The following TENM3 variants were observed in gnomAD, a reference collection of about 807,000 sequenced individuals.
The protein encoded by TENM3 is teneurin-3.
Under a neutral mutation model 255.1 loss-of-function variants are expected in TENM3, and 63 were observed. That is an observed-to-expected ratio of 0.25 (90% CI 0.20 to 0.30). TENM3 has a LOEUF of 0.30. Among genes scored for constraint, TENM3 ranks in the 10% least tolerant of loss-of-function variants. The pLI, the probability that TENM3 is intolerant of heterozygous loss-of-function variation, is 1.00. For missense variants in TENM3, 2,929 were observed against 3,461.1 expected, an observed-to-expected ratio of 0.85 and a Z score of 3.86; for synonymous variants, 1,306 against 1,322.3, an observed-to-expected ratio of 0.99 and a Z score of 0.27.
chr4:181,939,412 C>G, the TENM3 span, among the ~76,000 whole-genome samples: 1 of 152,102 alleles, frequency 6.6e-6, no homozygotes, highest in Non-Finnish European at 1.5e-5. Context: ...GTGATGTCCT[C>G]CATGGGAAAC....
chr4:182,753,420 A>T, intron 20 of TENM3, 30 bp from the exon 21 acceptor site: 1 of 1,593,014 alleles, frequency 6.3e-7, no homozygotes, highest in Admixed American at 1.7e-5. Flanking sequence ...TTTTTGAAAA[A>T]TTAGTAATAC....
At chr4:182,022,489 C>T in the TENM3 span, among the ~76,000 whole-genome samples, 1 of 135,368 alleles carries the variant, frequency 7.4e-6, no homozygotes, top group African/African-American at 2.8e-5. Context: ...CAGCATCACA[C>T]AATATGCCCA....
the TENM3 span, among the ~76,000 whole-genome samples, chr4:181,781,567 G>A: frequency 6.6e-6 from 1 of 152,152 alleles, no homozygotes; most frequent in Non-Finnish European, 1.5e-5. Flanking sequence ...TCTGCAAACA[G>A]GGACAATTTG....
chr4:181,491,882 A>C, the TENM3 span, among the ~76,000 whole-genome samples: 1 of 152,184 alleles, frequency 6.6e-6, no homozygotes, highest in African/African-American at 2.4e-5. Flanking sequence ...GAAAAAGTGA[A>C]TACCACTTCC....
intron 1 of TENM3, among the ~76,000 whole-genome samples, chr4:182,259,091 G>T (rs1428901707): frequency 6.6e-6 from 1 of 152,194 alleles, no homozygotes; most frequent in Non-Finnish European, 1.5e-5. Flanking sequence ...CAAGCTAAAA[G>T]ATGGTGAAGG....
At chr4:182,675,812 T>C in intron 7 of TENM3, among the ~76,000 whole-genome samples, 1 of 152,336 alleles carries the variant, frequency 6.6e-6, no homozygotes, top group East Asian at 1.9e-4. Context: ...TTTAAAGATT[T>C]AGTTGACTGC....
chr4:182,594,059 A>G (rs1263335564), intron 3 of TENM3, among the ~76,000 whole-genome samples: 2 of 152,132 alleles, frequency 1.3e-5, no homozygotes, highest in Non-Finnish European at 2.9e-5. Flanking sequence ...TGGCCATACT[A>G]GCTAGGAAAA....
chr4:181,513,243 A>G, the TENM3 span, among the ~76,000 whole-genome samples: 1 of 152,162 alleles, frequency 6.6e-6, no homozygotes, highest in East Asian at 1.9e-4. Flanking sequence ...CCAAGTTCTC[A>G]ATCATTCATA....
At chr4:182,786,515 C>A (rs1436918643) in intron 24 of TENM3, among the ~76,000 whole-genome samples, 1 of 150,332 alleles carries the variant, frequency 6.7e-6, no homozygotes, top group Non-Finnish European at 1.5e-5. Context: ...CAAGATTGCA[C>A]CACTGCACTC....
intron 19 of TENM3, among the ~76,000 whole-genome samples, chr4:182,745,548 T>TG (rs1356863444): frequency 1.2e-4 from 18 of 151,958 alleles, no homozygotes; most frequent in African/African-American, 4.3e-4. Context: ...TATCTGTTAT[T>TG]GCAGATCCAC....
the TENM3 span, among the ~76,000 whole-genome samples, chr4:181,578,189 C>T: frequency 6.6e-6 from 1 of 151,966 alleles, no homozygotes; most frequent in Non-Finnish European, 1.5e-5. Flanking sequence ...TAAAGAAAGC[C>T]TTTCTCTGGG....
intron 3 of TENM3, among the ~76,000 whole-genome samples, chr4:182,581,025 A>G (rs531455235): frequency 6.6e-6 from 1 of 152,316 alleles, no homozygotes; most frequent in African/African-American, 2.4e-5. Context: ...CTCTAATTTT[A>G]TTGTCATACA....
At chr4:181,944,704 A>T in the TENM3 span, among the ~76,000 whole-genome samples, 2 of 151,946 alleles carry the variant, frequency 1.3e-5, no homozygotes, top group African/African-American at 4.8e-5. Context: ...TCTGGGCCAC[A>T]CCGTGCCTCT....
At chr4:181,810,890 AGCATCCCAGCTTCCCTG>A in the TENM3 span, among the ~76,000 whole-genome samples, 1 of 152,192 alleles carries the variant, frequency 6.6e-6, no homozygotes, top group Admixed American at 6.5e-5. Context: ...AAGATGATGT[AGCATCCCAGCTTCCCTG>A]GCCTGGGTGA....
chr4:181,795,142 T>C, the TENM3 span, among the ~76,000 whole-genome samples: 2 of 152,196 alleles, frequency 1.3e-5, no homozygotes, highest in African/African-American at 4.8e-5. Flanking sequence ...ATTTGTGTTT[T>C]CGATGGATGT....
At chr4:181,669,281 T>C in the TENM3 span, among the ~76,000 whole-genome samples, 4 of 152,262 alleles carry the variant, frequency 2.6e-5, no homozygotes, top group Non-Finnish European at 5.9e-5. Flanking sequence ...CCCAGGGAGA[T>C]AGTATAATTA....
At chr4:182,430,711 G>A (rs1435722518) in intron 3 of TENM3, among the ~76,000 whole-genome samples, 2 of 151,228 alleles carry the variant, frequency 1.3e-5, no homozygotes, top group East Asian at 4.0e-4. Context: ...GCAGGTTTGT[G>A]TTTTTGAAAG....
chr4:182,794,107 A>T (rs1430351312), intron 26 of TENM3, among the ~76,000 whole-genome samples: 1 of 152,210 alleles, frequency 6.6e-6, no homozygotes, highest in Non-Finnish European at 1.5e-5. Context: ...GCCCAAGGCC[A>T]CAAGTTTTTG....
At chr4:181,884,880 GA>G in the TENM3 span, among the ~76,000 whole-genome samples, 1 of 151,796 alleles carries the variant, frequency 6.6e-6, no homozygotes, top group Non-Finnish European at 1.5e-5. Flanking sequence ...TTTGATTTGA[GA>G]CTTTCATTGC....
Sources: gnomAD v4.1 joint callset for allele counts (sites outside exome capture counted in the v4.1 genomes callset) on GRCh38, gnomAD v4.1.1 for gene constraint, MANE v1.5 for transcripts, NCBI Gene and HGNC (gene_info 2026-07-23, HGNC 2026-07-21) for gene names.